PTPRT: variants seen among roughly 807,000 people sequenced by gnomAD.
PTPRT encodes receptor-type tyrosine-protein phosphatase T.
PTPRT carries 56 observed loss-of-function variants against 176.8 expected under a neutral mutation model. The observed-to-expected ratio is 0.32, with a 90% CI of 0.26 to 0.40. The LOEUF (loss-of-function observed/expected upper bound fraction) is 0.40, where lower values mean the gene tolerates loss of function less well. Among genes scored for constraint, PTPRT ranks in the 10% least tolerant of loss-of-function variants. The pLI is 1.00. For missense variants in PTPRT, 1,540 were observed against 1,908.2 expected, an observed-to-expected ratio of 0.81 and a Z score of 3.60; for synonymous variants, 783 against 739.0, an observed-to-expected ratio of 1.06 and a Z score of -0.96.
intron 26 of PTPRT, among the ~76,000 whole-genome samples, chr20:42,101,293 C>T (rs1477408766): frequency 6.6e-6 from 1 of 152,162 alleles, no homozygotes; most frequent in Non-Finnish European, 1.5e-5. Flanking sequence ...GCCACTAGCT[C>T]CCTGGGTGAC....
chr20:43,116,416 C>T (rs2013061382), intron 1 of PTPRT, among the ~76,000 whole-genome samples: 1 of 152,174 alleles, frequency 6.6e-6, no homozygotes, highest in African/African-American at 2.4e-5. Flanking sequence ...AGTGTTATTA[C>T]CATCAATATC....
intron 1 of PTPRT, among the ~76,000 whole-genome samples, chr20:43,045,956 C>T (rs1333145055): frequency 6.6e-6 from 1 of 152,106 alleles, no homozygotes; most frequent in Non-Finnish European, 1.5e-5. Context: ...AGGACTAAGT[C>T]ATGCAGAGTT....
chr20:43,052,495 C>T (rs962831919), intron 1 of PTPRT, among the ~76,000 whole-genome samples: 3 of 152,112 alleles, frequency 2.0e-5, no homozygotes, highest in African/African-American at 7.2e-5. Flanking sequence ...GTTTGTGCAA[C>T]AAAAAGTGTG....
chr20:42,728,288 A>G (rs1416643580), intron 6 of PTPRT, among the ~76,000 whole-genome samples: 1 of 152,176 alleles, frequency 6.6e-6, no homozygotes, highest in African/African-American at 2.4e-5. Context: ...TTCTGCTTCA[A>G]TAGGTCTGGG....
chr20:42,816,871 C>A (rs922302677), intron 2 of PTPRT, among the ~76,000 whole-genome samples: 1 of 152,110 alleles, frequency 6.6e-6, no homozygotes, highest in Non-Finnish European at 1.5e-5. Context: ...AGGCAAGAAT[C>A]GTTATGGAGA....
At chr20:42,431,020 G>A (rs932669461) in intron 9 of PTPRT, among the ~76,000 whole-genome samples, 7 of 152,174 alleles carry the variant, frequency 4.6e-5, no homozygotes, top group East Asian at 3.9e-4. Context: ...TTTCATGTTC[G>A]TGTGTGCGGT....
At chr20:43,059,219 T>C (rs1214403058) in intron 1 of PTPRT, among the ~76,000 whole-genome samples, 1 of 152,224 alleles carries the variant, frequency 6.6e-6, no homozygotes, top group Admixed American at 6.5e-5. Context: ...TGCTTGGACA[T>C]AGCCTTAATG....
intron 9 of PTPRT, among the ~76,000 whole-genome samples, chr20:42,373,337 C>T (rs1389928718): frequency 6.6e-6 from 1 of 152,194 alleles, no homozygotes; most frequent in African/African-American, 2.4e-5. Flanking sequence ...GACAGAGTTG[C>T]AGAACTATCA....
chr20:43,128,497 A>G (rs770382292), intron 1 of PTPRT, among the ~76,000 whole-genome samples: 1 of 152,228 alleles, frequency 6.6e-6, no homozygotes. Flanking sequence ...GGCCTGCCCC[A>G]GCACAACCAC....
At chr20:42,263,381 T>G (rs1471150923) in intron 13 of PTPRT, among the ~76,000 whole-genome samples, 1 of 132,966 alleles carries the variant, frequency 7.5e-6, no homozygotes, top group Admixed American at 7.4e-5. Context: ...CTTTTTTTTT[T>G]TTTTTTTTTT....
chr20:42,247,521 T>C (rs1417627845), intron 14 of PTPRT, among the ~76,000 whole-genome samples: 2 of 152,232 alleles, frequency 1.3e-5, no homozygotes, highest in African/African-American at 4.8e-5. Flanking sequence ...ATGAGCATTT[T>C]TCATCCTATA....
chr20:43,099,404 AG>A (rs1188891417), intron 1 of PTPRT, among the ~76,000 whole-genome samples: 3 of 152,150 alleles, frequency 2.0e-5, no homozygotes, highest in Non-Finnish European at 4.4e-5. Context: ...ACAGCAAATT[AG>A]GAGGAGGAAT....
At chr20:42,732,853 G>A (rs938083219) in intron 6 of PTPRT, among the ~76,000 whole-genome samples, 1 of 152,108 alleles carries the variant, frequency 6.6e-6, no homozygotes, top group Non-Finnish European at 1.5e-5. Context: ...GGTGAAAAGG[G>A]AATGCAGATG....
intron 7 of PTPRT, among the ~76,000 whole-genome samples, chr20:42,554,911 A>T (rs2072833601): frequency 6.6e-6 from 1 of 152,214 alleles, no homozygotes; most frequent in African/African-American, 2.4e-5. Context: ...CTCACTCCCT[A>T]CCACAAAAAG....
intron 7 of PTPRT, among the ~76,000 whole-genome samples, chr20:42,495,216 C>T (rs1054218487): frequency 2.0e-5 from 3 of 152,130 alleles, no homozygotes; most frequent in African/African-American, 7.2e-5. Context: ...AAAGATAATC[C>T]AGGAAAGTGC....
intron 18 of PTPRT, among the ~76,000 whole-genome samples, chr20:42,130,349 C>T (rs913670655): frequency 3.9e-5 from 6 of 152,146 alleles, no homozygotes; most frequent in Admixed American, 2.6e-4. Context: ...GGGCCACCTG[C>T]TGGAACCTGA....
chr20:42,435,201 G>T (rs1241386391), intron 9 of PTPRT, among the ~76,000 whole-genome samples: 1 of 152,106 alleles, frequency 6.6e-6, no homozygotes, highest in Non-Finnish European at 1.5e-5. Flanking sequence ...CCTATATTGT[G>T]AGTCCCTTTG....
chr20:42,316,761 A>T (rs772948083), intron 11 of PTPRT, among the ~76,000 whole-genome samples: 1 of 152,102 alleles, frequency 6.6e-6, no homozygotes, highest in Non-Finnish European at 1.5e-5. Context: ...TTACTGACTT[A>T]TGCTTCCTCT....
chr20:42,575,042 C>G (rs1342948337), intron 7 of PTPRT, among the ~76,000 whole-genome samples: 1 of 152,152 alleles, frequency 6.6e-6, no homozygotes, highest in Non-Finnish European at 1.5e-5. Flanking sequence ...ATTACCCTGT[C>G]TCTGGTAGTA....
Sources: allele counts gnomAD v4.1 joint callset (sites outside exome capture counted in the v4.1 genomes callset), GRCh38; gene constraint gnomAD v4.1.1; transcripts MANE v1.5; gene names NCBI Gene and HGNC (gene_info 2026-07-23, HGNC 2026-07-21).